ADCY2: variants seen among roughly 807,000 people sequenced by gnomAD.
The protein encoded by ADCY2 is adenylate cyclase 2, also known as adenylate cyclase type 2.
ADCY2 carries 31 observed loss-of-function variants against 125.2 expected under a neutral mutation model. The ratio of observed to expected loss-of-function variants is 0.25; its 90% CI spans 0.19 to 0.33. The LOEUF is 0.33. Ranked by LOEUF, ADCY2 falls within the 10% of genes least tolerant of loss-of-function variation. ADCY2 has a pLI of 1.00. For synonymous variants in ADCY2, 512 were observed against 548.4 expected (o/e 0.93, Z 0.93); for missense variants, 904 against 1,418.2 (o/e 0.64, Z 5.82).
chr5:7,705,340 G>C (rs1466204592), intron 7 of ADCY2, among the ~76,000 whole-genome samples: 1 of 152,258 alleles, frequency 6.6e-6, no homozygotes, highest in Non-Finnish European at 1.5e-5. Flanking sequence ...GGGCCGAGAT[G>C]GAGACAGACA....
At chr5:7,482,009 GA>G (rs1385604200) in intron 2 of ADCY2, among the ~76,000 whole-genome samples, 1 of 152,126 alleles carries the variant, frequency 6.6e-6, no homozygotes, top group African/African-American at 2.4e-5. Context: ...AGTTTGAGAT[GA>G]AGTTCTGAAA....
intron 2 of ADCY2, among the ~76,000 whole-genome samples, chr5:7,460,726 G>A (rs969894782): frequency 2.4e-4 from 36 of 152,122 alleles, no homozygotes; most frequent in South Asian, 6.2e-4. Flanking sequence ...TTGTGTCCAC[G>A]AGTATGTATT....
At chr5:7,612,947 C>T (rs551420857) in intron 3 of ADCY2, among the ~76,000 whole-genome samples, 7 of 152,138 alleles carry the variant, frequency 4.6e-5, no homozygotes, top group Admixed American at 2.6e-4. Context: ...ACCCGGGAGG[C>T]GGAGCTTGCA....
chr5:7,801,485 C>G (rs1579452670), intron 20 of ADCY2: 1 of 152,330 alleles, frequency 6.6e-6, no homozygotes, highest in East Asian at 1.9e-4. Flanking sequence ...AGGGCAGATC[C>G]TCCACACCTA....
intron 3 of ADCY2, among the ~76,000 whole-genome samples, chr5:7,571,816 TG>T (rs779531232): frequency 6.6e-6 from 1 of 152,146 alleles, no homozygotes; most frequent in Non-Finnish European, 1.5e-5. Context: ...TAGGCGCCAG[TG>T]TCTATTGTTC....
intron 3 of ADCY2, among the ~76,000 whole-genome samples, chr5:7,615,046 C>T (rs563017278): frequency 6.6e-6 from 1 of 152,260 alleles, no homozygotes; most frequent in African/African-American, 2.4e-5. Context: ...GGGGAGCAGG[C>T]ACATCTTCAC....
chr5:7,824,987 C>A (rs907139827), intron 24 of ADCY2, among the ~76,000 whole-genome samples: 2 of 152,252 alleles, frequency 1.3e-5, no homozygotes, highest in African/African-American at 4.8e-5. Flanking sequence ...CCGGGACACA[C>A]CACAACCAAA....
At chr5:7,682,360 C>A (rs950234737) in intron 4 of ADCY2, among the ~76,000 whole-genome samples, 1 of 152,150 alleles carries the variant, frequency 6.6e-6, no homozygotes, top group Non-Finnish European at 1.5e-5. Context: ...TTTATAGACC[C>A]CCTTTAAGGT....
chr5:7,471,737 A>G (rs1593932), intron 2 of ADCY2, among the ~76,000 whole-genome samples: 2,063 of 151,778 alleles, frequency 0.014, 44 homozygotes, highest in African/African-American at 0.048. Flanking sequence ...GATAAGTTCT[A>G]TATGTTTTGC....
At chr5:7,456,438 A>G (rs1240595467) in intron 2 of ADCY2, among the ~76,000 whole-genome samples, 3 of 152,206 alleles carry the variant, frequency 2.0e-5, no homozygotes, top group Non-Finnish European at 4.4e-5. Flanking sequence ...CTGCAAATAT[A>G]TTTAAGTTAC....
intron 3 of ADCY2, among the ~76,000 whole-genome samples, chr5:7,549,494 C>T (rs1735256711): frequency 6.6e-6 from 1 of 152,146 alleles, no homozygotes; most frequent in Non-Finnish European, 1.5e-5. Flanking sequence ...GTCACAGGAC[C>T]ATGCCTGAAG....
At chr5:7,633,832 C>T (rs969369543) in intron 4 of ADCY2, among the ~76,000 whole-genome samples, 3 of 152,152 alleles carry the variant, frequency 2.0e-5, no homozygotes, top group African/African-American at 7.2e-5. Context: ...TTCAATATTT[C>T]CTGGGGACTG....
At chr5:7,790,817 A>G (rs1744228700) in intron 20 of ADCY2, among the ~76,000 whole-genome samples, 1 of 152,202 alleles carries the variant, frequency 6.6e-6, no homozygotes, top group South Asian at 2.1e-4. Context: ...ATAAAAAGAG[A>G]AACGGGGTAG....
chr5:7,506,789 CTTTTTTTTTTTTTTTTTT>C (rs70940743), intron 2 of ADCY2, among the ~76,000 whole-genome samples: 1 of 55,020 alleles, frequency 1.8e-5, no homozygotes, highest in East Asian at 5.4e-4. Context: ...ATGCGTTGCT[CTTTTTTTTTTTTTTTTTT>C]TTTTTTTTTT....
chr5:7,748,413 C>A (rs1045362607), intron 15 of ADCY2, among the ~76,000 whole-genome samples: 4 of 152,048 alleles, frequency 2.6e-5, no homozygotes, highest in African/African-American at 9.7e-5. Flanking sequence ...TAACCTCATC[C>A]AGCCTCTAAT....
intron 15 of ADCY2, among the ~76,000 whole-genome samples, chr5:7,751,198 T>C (rs866998733): frequency 1.3e-5 from 2 of 152,350 alleles, no homozygotes; most frequent in South Asian, 2.1e-4. Flanking sequence ...TAAAAAATAC[T>C]TGTTATTTTT....
intron 3 of ADCY2, among the ~76,000 whole-genome samples, chr5:7,556,543 C>T (rs1735512074): frequency 6.6e-6 from 1 of 152,168 alleles, no homozygotes. Flanking sequence ...GAAGTTTCAA[C>T]ATTATATGTT....
chr5:7,432,404 C>T (rs1740636913), intron 2 of ADCY2, among the ~76,000 whole-genome samples: 1 of 152,198 alleles, frequency 6.6e-6, no homozygotes, highest in Admixed American at 6.5e-5. Flanking sequence ...GGATGTAACA[C>T]TCCTTCTGGG....
chr5:7,595,961 G>A (rs1245314550), intron 3 of ADCY2, among the ~76,000 whole-genome samples: 1 of 152,074 alleles, frequency 6.6e-6, no homozygotes, highest in African/African-American at 2.4e-5. Context: ...GGAACCCATG[G>A]ATATGGAGGG....
Sources: allele counts gnomAD v4.1 joint callset (sites outside exome capture counted in the v4.1 genomes callset), GRCh38; gene constraint gnomAD v4.1.1; transcripts MANE v1.5; gene names NCBI Gene and HGNC (gene_info 2026-07-23, HGNC 2026-07-21).